The following SLC44A5 variants were observed in gnomAD, a reference collection of about 807,000 sequenced individuals.
SLC44A5 encodes solute carrier family 44 member 5, also known as choline transporter-like protein 5.
Under a neutral mutation model 101.8 loss-of-function variants are expected in SLC44A5, and 57 were observed. The ratio of observed to expected loss-of-function variants is 0.56; its 90% CI spans 0.45 to 0.70. The LOEUF is 0.70. Among genes scored for constraint, SLC44A5 ranks in the 30% least tolerant of loss-of-function variants. The pLI, the probability that SLC44A5 is intolerant of heterozygous loss-of-function variation, is 0.00. For synonymous variants in SLC44A5, 281 were observed against 290.9 expected (o/e 0.97, Z 0.35); for missense variants, 737 against 853.1 (o/e 0.86, Z 1.70).
At chr1:75,270,991 C>T (rs1488814617) in intron 6 of SLC44A5, among the ~76,000 whole-genome samples, 2 of 151,948 alleles carry the variant, frequency 1.3e-5, no homozygotes, top group Non-Finnish European at 2.9e-5. Flanking sequence ...TTTCTTTTAC[C>T]ACTTGGTGCT....
chr1:75,430,830 T>A (rs973979120), intron 2 of SLC44A5, among the ~76,000 whole-genome samples: 2 of 152,198 alleles, frequency 1.3e-5, no homozygotes, highest in African/African-American at 4.8e-5. Context: ...TTTAGAAAGA[T>A]CACTGGCCTT....
chr1:75,545,651 T>C (rs1671605855), intron 1 of SLC44A5, among the ~76,000 whole-genome samples: 1 of 152,174 alleles, frequency 6.6e-6, no homozygotes, highest in Non-Finnish European at 1.5e-5. Context: ...AATTAATAAG[T>C]AACCTCCAGG....
chr1:75,444,188 A>G (rs776959920), intron 2 of SLC44A5, among the ~76,000 whole-genome samples: 8 of 151,810 alleles, frequency 5.3e-5, no homozygotes, highest in Non-Finnish European at 1.0e-4. Flanking sequence ...ATGGTGACGC[A>G]TAGCTGTAAT....
the SLC44A5 span, among the ~76,000 whole-genome samples, chr1:75,683,307 G>A: frequency 3.3e-5 from 5 of 152,144 alleles, no homozygotes; most frequent in African/African-American, 4.8e-5. Flanking sequence ...ACATGCATAC[G>A]TATGTTTATT....
chr1:75,422,088 G>A (rs1427447421), intron 2 of SLC44A5, among the ~76,000 whole-genome samples: 2 of 152,086 alleles, frequency 1.3e-5, no homozygotes, highest in African/African-American at 2.4e-5. Context: ...GTGTGTGCAC[G>A]TGTGCTTAAG....
intron 2 of SLC44A5, among the ~76,000 whole-genome samples, chr1:75,447,381 A>G (rs1570307858): frequency 7.0e-6 from 1 of 142,288 alleles, no homozygotes; most frequent in East Asian, 2.0e-4. Flanking sequence ...TAAAATAATC[A>G]CTTATTTTAC....
intron 6 of SLC44A5, among the ~76,000 whole-genome samples, chr1:75,262,461 C>T (rs752762238): frequency 3.9e-5 from 6 of 152,124 alleles, no homozygotes; most frequent in Non-Finnish European, 7.4e-5. Flanking sequence ...AACTACAAAC[C>T]ACTGTTCAAG....
At chr1:75,405,677 T>C (rs909942494) in intron 2 of SLC44A5, among the ~76,000 whole-genome samples, 3 of 152,172 alleles carry the variant, frequency 2.0e-5, no homozygotes, top group African/African-American at 7.2e-5. Flanking sequence ...AGAGAAAATG[T>C]ACCCAAATCT....
At chr1:75,358,746 G>A (rs80195302) in intron 3 of SLC44A5, among the ~76,000 whole-genome samples, 2,001 of 152,002 alleles carry the variant, frequency 0.013, 51 homozygotes, top group African/African-American at 0.046. Context: ...GTGTACATTC[G>A]TGAATGGGAT....
intron 1 of SLC44A5, among the ~76,000 whole-genome samples, chr1:75,548,477 T>G (rs901430399): frequency 6.6e-6 from 1 of 152,180 alleles, no homozygotes; most frequent in Non-Finnish European, 1.5e-5. Flanking sequence ...TTACTAATTT[T>G]TTTTTATTTC....
chr1:75,237,658 T>C (rs1273330522), intron 10 of SLC44A5, among the ~76,000 whole-genome samples: 2 of 152,110 alleles, frequency 1.3e-5, no homozygotes, highest in East Asian at 3.9e-4. Flanking sequence ...ATTTTACTAA[T>C]TATATATGCA....
intron 2 of SLC44A5, among the ~76,000 whole-genome samples, chr1:75,429,728 G>C (rs1422107301): frequency 6.6e-6 from 1 of 152,092 alleles, no homozygotes; most frequent in African/African-American, 2.4e-5. Flanking sequence ...GATCAAGCAA[G>C]GGGTGGGTTT....
the SLC44A5 span, among the ~76,000 whole-genome samples, chr1:75,702,600 C>T: frequency 3.9e-5 from 6 of 152,104 alleles, no homozygotes; most frequent in East Asian, 1.9e-4. Context: ...TAGGCATGGG[C>T]GAGGACTTCA....
intron 3 of SLC44A5, among the ~76,000 whole-genome samples, chr1:75,353,056 C>G (rs956207353): frequency 2.0e-5 from 3 of 152,094 alleles, no homozygotes; most frequent in Admixed American, 6.6e-5. Flanking sequence ...TCAGATGATA[C>G]GTGCTTTTTG....
the SLC44A5 span, among the ~76,000 whole-genome samples, chr1:75,670,036 C>T: frequency 6.6e-6 from 1 of 151,974 alleles, no homozygotes; most frequent in South Asian, 2.1e-4. Flanking sequence ...TAATCCCCAG[C>T]CTGAAGGAGC....
At chr1:75,377,214 T>C (rs1157527240) in intron 3 of SLC44A5, among the ~76,000 whole-genome samples, 61 of 141,528 alleles carry the variant, frequency 4.3e-4, no homozygotes, top group Non-Finnish European at 8.7e-4. Flanking sequence ...TCTATAACCT[T>C]ACCCCCAACC....
the SLC44A5 span, among the ~76,000 whole-genome samples, chr1:75,673,504 G>T: frequency 6.6e-6 from 1 of 152,138 alleles, no homozygotes; most frequent in Non-Finnish European, 1.5e-5. Context: ...CTGCCCTGAA[G>T]GGAAAGACAC....
In SLC44A5 at chr1:75,211,547, G is replaced by A. The variant is rs771130189; in HGVS notation, c.1968C>T (p.Val656=). The change falls in exon 23 of 24, where the codon GTC becomes GTT. Residue 656 remains valine, a synonymous_variant. Transcript: ENST00000370859. ...LNYYWVPLLT[V]IFGSYLIAHG... ...GTGCAATCAGGTAAGACCCAAAAAT[G>A]ACTGTCTGTAAATGGATGAAGAAGA... 1.2e-6 allele frequency: 2 copies of A among 1,610,184 alleles called. No homozygotes were observed. The highest frequency in any genetic ancestry group is 3.3e-5 in the Admixed American group (2 of 59,886).
chr1:75,351,593 T>A (rs1658660402), intron 3 of SLC44A5, among the ~76,000 whole-genome samples: 1 of 152,054 alleles, frequency 6.6e-6, no homozygotes, highest in Admixed American at 6.6e-5. Flanking sequence ...CTTCCTTCTA[T>A]TACACTGGTA....
Sources: allele counts gnomAD v4.1 joint callset (sites outside exome capture counted in the v4.1 genomes callset), GRCh38; gene constraint gnomAD v4.1.1; transcripts MANE v1.5; gene names NCBI Gene and HGNC (gene_info 2026-07-23, HGNC 2026-07-21).